Variants in CDC37L1 observed in about 807,000 individuals in gnomAD.
The protein encoded by CDC37L1 is hsp90 co-chaperone Cdc37-like 1.
A neutral mutation model predicts 45.9 loss-of-function variants in CDC37L1; 32 were observed. The ratio of observed to expected loss-of-function variants is 0.70; its 90% CI spans 0.53 to 0.94. The LOEUF (loss-of-function observed/expected upper bound fraction) is 0.94, where lower values mean the gene tolerates loss of function less well. CDC37L1 is among the 40% of genes least tolerant of loss of function. The probability of loss-of-function intolerance (pLI) is 0.00; values close to 1 mark genes in which losing one functional copy is unlikely to be tolerated. For synonymous variants in CDC37L1, 150 were observed against 133.0 expected (o/e 1.13, Z -0.88); for missense variants, 434 against 405.7 (o/e 1.07, Z -0.60).
At chr9:4,688,492 A>G (rs763604859) in intron 2 of CDC37L1, 21 bp from the exon 3 acceptor site, 1 of 1,242,790 alleles carries the variant, frequency 8.0e-7, no homozygotes, top group Admixed American at 2.7e-5. Context: ...TCTGATTTAA[A>G]TTTCTAAAAT....
At chr9:4,684,158 C>G (rs559720071) in intron 1 of CDC37L1, among the ~76,000 whole-genome samples, 1 of 152,130 alleles carries the variant, frequency 6.6e-6, no homozygotes, top group Non-Finnish European at 1.5e-5. Context: ...GTGGCACATG[C>G]CTGTAGTCCC....
intron 2 of CDC37L1, among the ~76,000 whole-genome samples, chr9:4,687,548 T>C (rs2130845164): frequency 6.6e-6 from 1 of 151,912 alleles, no homozygotes; most frequent in East Asian, 1.9e-4. Context: ...GTATGGTGGC[T>C]CACACCTGTA....
intron 3 of CDC37L1, among the ~76,000 whole-genome samples, chr9:4,692,912 T>C (rs1841314600): frequency 6.6e-6 from 1 of 152,098 alleles, no homozygotes; most frequent in Non-Finnish European, 1.5e-5. Flanking sequence ...ACATGGAGCC[T>C]AGGAAACATT....
chr9:4,694,727 T>C (rs1194462023), intron 3 of CDC37L1, among the ~76,000 whole-genome samples: 1 of 151,886 alleles, frequency 6.6e-6, no homozygotes, highest in Non-Finnish European at 1.5e-5. Context: ...AAAAATTAAC[T>C]GGGCGTGGTG....
chr9:4,695,109 T>C (rs948737630), intron 3 of CDC37L1, among the ~76,000 whole-genome samples: 1 of 152,230 alleles, frequency 6.6e-6, no homozygotes, highest in African/African-American at 2.4e-5. Context: ...AAGGCAAAAC[T>C]GCTTCATAGG....
At chr9:4,679,950 AC>A in intron 1 of CDC37L1, 51 bp downstream of exon 1, 1 of 1,601,058 alleles carries the variant, frequency 6.2e-7, no homozygotes, top group Non-Finnish European at 8.5e-7. Flanking sequence ...CTGTCGCCAA[AC>A]CCCTGGAATG....
chr9:4,688,244 C>T (rs971884735), intron 2 of CDC37L1, among the ~76,000 whole-genome samples: 7 of 152,138 alleles, frequency 4.6e-5, no homozygotes, highest in African/African-American at 7.2e-5. Flanking sequence ...GTGATCCACC[C>T]GCCTCGGCCT....
At chr9:4,695,160 C>G (rs539094505) in intron 3 of CDC37L1, among the ~76,000 whole-genome samples, 1 of 152,010 alleles carries the variant, frequency 6.6e-6, no homozygotes, top group South Asian at 2.1e-4. Context: ...AAGGATTGTG[C>G]TTTCTTTAAA....
intron 1 of CDC37L1, among the ~76,000 whole-genome samples, chr9:4,681,626 A>T (rs754079358): frequency 6.6e-6 from 1 of 152,212 alleles, no homozygotes; most frequent in Non-Finnish European, 1.5e-5. Flanking sequence ...ACAAGAGCGA[A>T]ACTCTTGTCT....
At chr9:4,703,258 C>T in intron 6 of CDC37L1, 1 of 550,086 alleles carries the variant, frequency 1.8e-6, no homozygotes. Context: ...TGTAATTTCA[C>T]CATTCCAATT....
Position 4,680,319 on chromosome 9 carries a change from A to G in CDC37L1, c.132+420A>G, listed in dbSNP as rs139413921. Among the ~76,000 whole-genome samples the G allele has an allele frequency of 8.1e-3, 1,238 of 152,296 alleles. 15 individuals carry two copies. The highest frequency in any genetic ancestry group is 0.028 in the African/African-American group (1,173 of 41,542). On this transcript the variant is annotated intron_variant, in intron 1 of 6. Transcript: ENST00000381854. Reference sequence around the variant, plus strand: ...TGTGCACAGTTGCTAGGAACAGTGAATGATTGTAGTTCAGCATCACACTGA... The same window carrying G: ...TGTGCACAGTTGCTAGGAACAGTGAGTGATTGTAGTTCAGCATCACACTGA...
intron 3 of CDC37L1, among the ~76,000 whole-genome samples, chr9:4,696,888 T>G (rs539581264): frequency 1.3e-5 from 2 of 152,344 alleles, no homozygotes; most frequent in East Asian, 3.9e-4. Context: ...AGGAGCTATT[T>G]CCAGTCTACT....
At chr9:4,695,068 A>G (rs7874378) in intron 3 of CDC37L1, among the ~76,000 whole-genome samples, 48,631 of 152,074 alleles carry the variant, frequency 0.32, 8,578 homozygotes, top group African/African-American at 0.48. Flanking sequence ...TAGAGTTGAA[A>G]ATATTACCTC....
chr9:4,702,223 A>T (rs539357149), intron 6 of CDC37L1, among the ~76,000 whole-genome samples, 195 bp downstream of exon 6: 151 of 152,104 alleles, frequency 9.9e-4, no homozygotes, highest in African/African-American at 3.5e-3. Context: ...GAGATACCAG[A>T]TTTCCTCTCC....
intron 5 of CDC37L1, 117 bp downstream of exon 5, chr9:4,697,996 A>G (rs376013391): frequency 1.8e-5 from 17 of 950,116 alleles, no homozygotes; most frequent in East Asian, 1.5e-4. Context: ...AATTCTGTAG[A>G]TTTTCTTGTG....
rs1168283407 is a variant in CDC37L1 at position 4,707,947 on chromosome 9, C to T, written c.*1835C>T. The T allele has an allele frequency of 1.3e-5, 2 of 152,182 alleles. No homozygotes were observed. The highest frequency in any genetic ancestry group is 2.9e-5 in the Non-Finnish European group (2 of 68,034). 9.4% of individuals were successfully genotyped at this position (152,182 alleles called of 1,614,324 possible). On this transcript the variant is annotated 3_prime_UTR_variant, in exon 7 of 7. Coordinates refer to ENST00000381854, the MANE Select transcript of CDC37L1 (RefSeq NM_017913.4). ...GAGGTATTTAATGACTGAAGACTGG[C>T]AGGAGAGAAAGTATCAACAAACTGA... is the stretch of plus-strand genomic sequence containing the variant.
intron 2 of CDC37L1, 45 bp from the exon 3 acceptor site, chr9:4,688,468 A>G (rs945998790): frequency 5.8e-6 from 6 of 1,031,118 alleles, no homozygotes; most frequent in African/African-American, 3.3e-5. Flanking sequence ...AGAAGATTCA[A>G]TTAGAATTTA....
rs761175578 is a variant in CDC37L1, at chr9:4,685,161, A to G, written c.414+3A>G. Reference sequence around the variant, plus strand: ...TTAGCAAGGATGTTTTTAATAAGGTATGAGCTTTTACTGGGCCATAATGAA... The same window carrying G: ...TTAGCAAGGATGTTTTTAATAAGGTGTGAGCTTTTACTGGGCCATAATGAA... On this transcript the variant is annotated splice_donor_region_variant and intron_variant, in intron 2 of 6. Coordinates refer to ENST00000381854, the MANE Select transcript of CDC37L1 (RefSeq NM_017913.4). The G allele has an allele frequency of 6.2e-7, 1 of 1,609,544 alleles. No homozygotes were observed. Among genetic ancestry groups the G allele is most frequent in the Non-Finnish European group, 8.5e-7 (1 of 1,176,134 alleles).
At chr9:4,695,865 G>A (rs10974739) in intron 3 of CDC37L1, among the ~76,000 whole-genome samples, 14,465 of 152,046 alleles carry the variant, frequency 0.095, 1,100 homozygotes, top group East Asian at 0.37. Context: ...ATCTCGGCTC[G>A]CTGCAACCTC....
Sources: gnomAD v4.1 joint callset for allele counts (sites outside exome capture counted in the v4.1 genomes callset) on GRCh38, gnomAD v4.1.1 for gene constraint, MANE v1.5 for transcripts, NCBI Gene and HGNC (gene_info 2026-07-23, HGNC 2026-07-21) for gene names.